The following NPTN variants were observed in gnomAD, a reference collection of about 807,000 sequenced individuals.
NPTN encodes neuroplastin, also known as SDR-1.
NPTN carries 5 observed loss-of-function variants against 42.7 expected under a neutral mutation model. The observed-to-expected ratio is 0.12, with a 90% CI of 0.06 to 0.25. The LOEUF (loss-of-function observed/expected upper bound fraction) is 0.25. NPTN is among the 10% of genes least tolerant of loss of function. NPTN has a pLI of 1.00. For missense variants in NPTN, 307 were observed against 525.4 expected, an observed-to-expected ratio of 0.58 and a Z score of 4.06; for synonymous variants, 180 against 201.9, an observed-to-expected ratio of 0.89 and a Z score of 0.92.
chr15:73,597,339 G>C lies in NPTN; in HGVS notation c.122C>G (p.Thr41Ser). Residue 41 changes from threonine to serine, a missense_variant, in exon 2 of 9, where the codon ACT becomes AGT. This residue lies in a region of NPTN where 264 missense variants were observed against 491.1 expected (regional missense o/e 0.54). Coordinates refer to ENST00000345330, the MANE Select transcript of NPTN (RefSeq NM_012428.4). This position sits in a 1 kb window ranked among gnomAD's most constrained non-coding sequence, Gnocchi z 6.3. ...CTCAAAGGCGTCCCCCGTGAGCTTA[G>C]TTTCTGACATGGGCGACTTGACAAA... is the stretch of plus-strand genomic sequence containing the variant. ...AGFVKSPMSE[T>S]KLTGDAFELY... The C allele has an allele frequency of 6.2e-7, 1 of 1,613,208 alleles. No individual in the cohort carries two copies. Among genetic ancestry groups the C allele is most frequent in the South Asian group, 1.1e-5 (1 of 91,052 alleles).
chr15:73,589,034 G>A (rs1046332218), intron 3 of NPTN, among the ~76,000 whole-genome samples: 1 of 152,148 alleles, frequency 6.6e-6, no homozygotes, highest in Non-Finnish European at 1.5e-5. Flanking sequence ...AGGAAGGACT[G>A]TAAGAAGAGT....
At chr15:73,623,129 T>G (rs557092195) in intron 1 of NPTN, among the ~76,000 whole-genome samples, 1 of 152,252 alleles carries the variant, frequency 6.6e-6, no homozygotes, top group South Asian at 2.1e-4. Context: ...GGTTATACTT[T>G]TACTAGGTTT....
At chr15:73,627,820 T>G (rs758034818) in intron 1 of NPTN, among the ~76,000 whole-genome samples, 1 of 152,222 alleles carries the variant, frequency 6.6e-6, no homozygotes, top group Non-Finnish European at 1.5e-5. Context: ...GTATTCACTC[T>G]TTTAAATTTA....
Position 73,597,473 on chromosome 15 carries a change from A to G in NPTN, c.92-104T>C. On this transcript the variant is annotated intron_variant, in intron 1 of 8. Coordinates refer to ENST00000345330, the MANE Select transcript of NPTN (RefSeq NM_012428.4). This position sits in a 1 kb window ranked among gnomAD's most constrained non-coding sequence, Gnocchi z 6.3. ...TTAAAGAAAAGAAAAGAAAAAAGCA[A>G]ATGAGTTGCAAAGAACAAAAAAGGA... 1 of 869,268 alleles carries G rather than the reference A, an allele frequency of 1.2e-6. No homozygotes were observed. Among genetic ancestry groups the G allele is most frequent in the African/African-American group, 1.7e-5 (1 of 58,796 alleles). The allele number at this position is 869,268 out of a possible 1,614,324, so 53.8% of individuals were successfully genotyped here. A position where few individuals can be genotyped will look rare whatever the true frequency, so the allele number is the denominator to read the frequency against.
chr15:73,624,724 A>T (rs1898310712), intron 1 of NPTN, among the ~76,000 whole-genome samples: 1 of 152,158 alleles, frequency 6.6e-6, no homozygotes, highest in Admixed American at 6.5e-5. Context: ...GTCAATCTGT[A>T]CTCAACAGAA....
intron 4 of NPTN, among the ~76,000 whole-genome samples, chr15:73,585,187 G>A (rs1566969034): frequency 6.6e-6 from 1 of 152,198 alleles, no homozygotes; most frequent in Non-Finnish European, 1.5e-5. Flanking sequence ...TGCTGATTCA[G>A]TTAAAGCCAC....
chr15:73,560,084 A>G lies in NPTN; in HGVS notation c.*979T>C. ...TTTTATACATCATTGCACTTCAATA[A>G]TTACACAAAACACACAAGTACATGC... is the stretch of plus-strand genomic sequence containing the variant. On this transcript the variant is annotated 3_prime_UTR_variant, in exon 9 of 9. Transcript: ENST00000345330. 1.8e-6 allele frequency: 1 copy of G among 561,264 alleles called. No individual in the cohort carries two copies. Among genetic ancestry groups the G allele is most frequent in the African/African-American group, 2.0e-5 (1 of 50,606 alleles). 34.8% of individuals were successfully genotyped at this position (561,264 alleles called of 1,614,324 possible).
intron 1 of NPTN, among the ~76,000 whole-genome samples, chr15:73,625,040 G>A (rs1898327134): frequency 6.6e-6 from 1 of 152,112 alleles, no homozygotes; most frequent in Non-Finnish European, 1.5e-5. Context: ...ACTGATAAAT[G>A]TCTAGTGAAA....
chr15:73,584,844 C>A (rs1283886584), intron 4 of NPTN, among the ~76,000 whole-genome samples: 2 of 151,870 alleles, frequency 1.3e-5, no homozygotes, highest in African/African-American at 4.8e-5. Flanking sequence ...TGTAGATACT[C>A]CTATCCTCCA....
chr15:73,573,973 C>T (rs970886390), intron 4 of NPTN, among the ~76,000 whole-genome samples, 178 bp from the exon 5 acceptor site: 1 of 152,178 alleles, frequency 6.6e-6, no homozygotes, highest in Non-Finnish European at 1.5e-5. Flanking sequence ...CAAACCCATC[C>T]TCTACCCCCC....
At chr15:73,567,116 G>A in intron 6 of NPTN, 2 of 978,256 alleles carry the variant, frequency 2.0e-6, no homozygotes, top group Non-Finnish European at 2.4e-6. Context: ...ACTAAACTAT[G>A]TAAGTTCAAA....
intron 1 of NPTN, among the ~76,000 whole-genome samples, chr15:73,600,461 TATG>T (rs919092405): frequency 5.3e-5 from 8 of 152,348 alleles, no homozygotes; most frequent in East Asian, 1.9e-4. Context: ...ATTTATTCAT[TATG>T]ATAAGTGCCA....
At chr15:73,580,461 A>T (rs1017050243) in intron 4 of NPTN, among the ~76,000 whole-genome samples, 3 of 135,694 alleles carry the variant, frequency 2.2e-5, no homozygotes, top group East Asian at 2.0e-4. Flanking sequence ...TATATATACA[A>T]AATATATTTA....
intron 1 of NPTN, among the ~76,000 whole-genome samples, chr15:73,620,990 C>T (rs1316688383): frequency 6.6e-6 from 1 of 152,184 alleles, no homozygotes; most frequent in African/African-American, 2.4e-5. Flanking sequence ...TTTAGGACAT[C>T]AGATTGTTTT....
At chr15:73,604,047 C>T (rs1035711044) in intron 1 of NPTN, among the ~76,000 whole-genome samples, 1 of 152,102 alleles carries the variant, frequency 6.6e-6, no homozygotes, top group African/African-American at 2.4e-5. Context: ...TGACGGATCT[C>T]CCTCAACAAA....
chr15:73,601,868 G>A (rs550163526), intron 1 of NPTN, among the ~76,000 whole-genome samples: 26 of 152,258 alleles, frequency 1.7e-4, no homozygotes, highest in African/African-American at 6.3e-4. Flanking sequence ...GGGGTAGCAG[G>A]CAGAGCATTA....
At chr15:73,563,381 C>A in intron 6 of NPTN, 124 bp from the exon 7 acceptor site, 1 of 1,502,160 alleles carries the variant, frequency 6.7e-7, no homozygotes, top group Non-Finnish European at 8.9e-7. Context: ...CTACTCACAG[C>A]ATTTATTAAA....
At chr15:73,605,715 G>T (rs1204545782) in intron 1 of NPTN, among the ~76,000 whole-genome samples, 5 of 134,428 alleles carry the variant, frequency 3.7e-5, no homozygotes, top group African/African-American at 1.4e-4. Flanking sequence ...CAACAAGAGC[G>T]AAACTCACCT....
chr15:73,629,131 G>A (rs1313892388), intron 1 of NPTN, among the ~76,000 whole-genome samples: 1 of 152,194 alleles, frequency 6.6e-6, no homozygotes, highest in Non-Finnish European at 1.5e-5. Context: ...GGGTCCTGAT[G>A]TAGTAACATG....
Sources: allele counts gnomAD v4.1 joint callset (sites outside exome capture counted in the v4.1 genomes callset), GRCh38; gene constraint gnomAD v4.1.1; regional missense constraint gnomAD v4.1.1; non-coding constraint Gnocchi (gnomAD v3.1); transcripts MANE v1.5; gene names NCBI Gene and HGNC (gene_info 2026-07-23, HGNC 2026-07-21).